The following CENPP variants were observed in gnomAD, a reference collection of about 807,000 sequenced individuals.
The protein encoded by CENPP is centromere protein P.
CENPP carries 24 observed loss-of-function variants against 35.6 expected under a neutral mutation model. That is an observed-to-expected ratio of 0.67 (90% CI 0.49 to 0.95). CENPP has a LOEUF of 0.95. Among genes scored for constraint, CENPP ranks in the 40% least tolerant of loss-of-function variants. CENPP has a pLI of 0.00. For synonymous variants in CENPP, 120 were observed against 125.5 expected (o/e 0.96, Z 0.29); for missense variants, 332 against 345.3 (o/e 0.96, Z 0.31).
chr9:92,551,005 A>T (rs10761163), intron 5 of CENPP, among the ~76,000 whole-genome samples: 57,382 of 152,018 alleles, frequency 0.38, 13,445 homozygotes, highest in African/African-American at 0.66. Flanking sequence ...CTTCAGGGTG[A>T]TAGAGCCAGG....
At chr9:92,612,879 C>A in intron 7 of CENPP, 140 bp from the exon 8 acceptor site, 1 of 1,021,546 alleles carries the variant, frequency 9.8e-7, no homozygotes, top group Non-Finnish European at 1.5e-6. Context: ...TCCATCTCCT[C>A]GCCCGCCACT....
chr9:92,477,454 C>A (rs1399609266), intron 5 of CENPP, among the ~76,000 whole-genome samples: 1 of 152,166 alleles, frequency 6.6e-6, no homozygotes, highest in Non-Finnish European at 1.5e-5. Context: ...AAGTTGGCCC[C>A]TGATTCCAGT....
At chr9:92,391,507 A>C (rs1247080067) in intron 5 of CENPP, among the ~76,000 whole-genome samples, 1 of 152,040 alleles carries the variant, frequency 6.6e-6, no homozygotes, top group Non-Finnish European at 1.5e-5. Context: ...ACTGAGGGAC[A>C]AGAATCCCTT....
intron 5 of CENPP, chr9:92,501,175 T>C: frequency 2.1e-6 from 2 of 970,522 alleles, no homozygotes; most frequent in Non-Finnish European, 3.0e-6. Context: ...TTTGTAGTGA[T>C]GATTCCAAAT....
intron 5 of CENPP, among the ~76,000 whole-genome samples, chr9:92,464,284 C>A (rs1486436108): frequency 6.6e-6 from 1 of 152,204 alleles, no homozygotes; most frequent in Non-Finnish European, 1.5e-5. Flanking sequence ...GAGCATTCTA[C>A]TTGAGGTGCT....
At chr9:92,589,025 G>A (rs981611622) in intron 5 of CENPP, among the ~76,000 whole-genome samples, 2 of 151,978 alleles carry the variant, frequency 1.3e-5, no homozygotes, top group African/African-American at 4.8e-5. Context: ...AATTTATAAA[G>A]GACATTAAAA....
intron 5 of CENPP, among the ~76,000 whole-genome samples, chr9:92,607,553 T>C (rs1851116972): frequency 6.6e-6 from 1 of 152,176 alleles, no homozygotes; most frequent in Non-Finnish European, 1.5e-5. Context: ...TTAAAGGAAT[T>C]ATGTCTCATA....
intron 4 of CENPP, among the ~76,000 whole-genome samples, chr9:92,349,942 G>C (rs901004550): frequency 2.6e-5 from 4 of 152,138 alleles, no homozygotes; most frequent in African/African-American, 7.2e-5. Flanking sequence ...TGGAATTGCT[G>C]AGTCGTATAA....
chr9:92,413,112 G>A (rs538255781), intron 5 of CENPP, among the ~76,000 whole-genome samples: 2 of 149,054 alleles, frequency 1.3e-5, no homozygotes, highest in East Asian at 2.0e-4. Context: ...AGCCTCGCAA[G>A]TAGCCGGGAT....
chr9:92,397,297 A>G (rs568964274), intron 5 of CENPP, among the ~76,000 whole-genome samples: 2 of 152,084 alleles, frequency 1.3e-5, no homozygotes, highest in Non-Finnish European at 2.9e-5. Flanking sequence ...GAAATCAGCT[A>G]TCTCTTCAGA....
chr9:92,456,547 G>T (rs8067), intron 5 of CENPP: 67,990 of 152,026 alleles, frequency 0.45, 17,445 homozygotes, highest in African/African-American at 0.7. Flanking sequence ...TTATAATAGC[G>T]GATCATTAAA....
intron 5 of CENPP, among the ~76,000 whole-genome samples, chr9:92,380,625 G>A (rs1044795144): frequency 6.6e-6 from 1 of 152,084 alleles, no homozygotes; most frequent in African/African-American, 2.4e-5. Context: ...TCAGGCCTAG[G>A]ATTTTTTTCC....
At chr9:92,464,973 C>G (rs1323696691) in intron 5 of CENPP, 2 of 1,614,070 alleles carry the variant, frequency 1.2e-6, no homozygotes, top group Non-Finnish European at 1.7e-6. Flanking sequence ...AACACCGTCA[C>G]CCCTTCAAAT....
At position 92,618,025 on chromosome 9, in the gene CENPP, G is replaced by A. The variant is rs1026491603; in HGVS notation, c.*4876G>A. 1.1e-4 allele frequency: 40 copies of A among 348,870 alleles called. 1 individual carries two copies. In the Admixed American group the frequency reaches 1.5e-3, roughly 13 times the overall value. The allele number at this position is 348,870 out of a possible 1,614,324, so 21.6% of individuals were successfully genotyped here. ...GTCTCAGGTCTACCAGGTATCTCAA[G>A]ACGCCAAGATGACTCATGATAAATC... is the stretch of plus-strand genomic sequence containing the variant. On this transcript the variant is annotated 3_prime_UTR_variant, in exon 8 of 8. Transcript: ENST00000375587.
intron 5 of CENPP, among the ~76,000 whole-genome samples, chr9:92,605,242 G>T (rs1367960815): frequency 1.3e-5 from 2 of 152,164 alleles, no homozygotes; most frequent in East Asian, 3.8e-4. Flanking sequence ...ACCTGCCTTG[G>T]CCGCCCAAAG....
intron 4 of CENPP, among the ~76,000 whole-genome samples, chr9:92,366,667 A>G (rs1841895965): frequency 6.6e-6 from 1 of 152,240 alleles, no homozygotes; most frequent in Admixed American, 6.5e-5. Flanking sequence ...ATAAAAAGTT[A>G]TACCTGGAAG....
intron 5 of CENPP, among the ~76,000 whole-genome samples, chr9:92,536,421 T>G (rs1588252892): frequency 6.6e-6 from 1 of 152,294 alleles, no homozygotes; most frequent in South Asian, 2.1e-4. Context: ...GGAATCTATT[T>G]TAAATTGGAT....
At chr9:92,508,856 A>C (rs1328927078) in intron 5 of CENPP, among the ~76,000 whole-genome samples, 1 of 152,130 alleles carries the variant, frequency 6.6e-6, no homozygotes, top group African/African-American at 2.4e-5. Context: ...TAAATAACAT[A>C]ATAAATAAAA....
In CENPP at chr9:92,612,623, C is replaced by T; in HGVS notation, c.736+9C>T. 6.2e-7 allele frequency: 1 copy of T among 1,608,020 alleles called. No individual in the cohort carries two copies. The highest frequency in any genetic ancestry group is 2.2e-5 in the East Asian group (1 of 44,852). On this transcript the variant is annotated intron_variant, in intron 7 of 7. Transcript: ENST00000375587. ...CAAAGTCCCACAGCGAGGTAGGGCC[C>T]TGGGTGTGGCTGCTCTAGGTGACTT...
Sources: gnomAD v4.1 joint callset for allele counts (sites outside exome capture counted in the v4.1 genomes callset) on GRCh38, gnomAD v4.1.1 for gene constraint, MANE v1.5 for transcripts, NCBI Gene and HGNC (gene_info 2026-07-23, HGNC 2026-07-21) for gene names.